RBM6: variants seen among roughly 807,000 people sequenced by gnomAD.
The protein encoded by RBM6 is RNA-binding protein 6.
A neutral mutation model predicts 140.4 loss-of-function variants in RBM6; 23 were observed. That is an observed-to-expected ratio of 0.16 (90% CI 0.12 to 0.23). The LOEUF (loss-of-function observed/expected upper bound fraction) is 0.23. Ranked by LOEUF, RBM6 falls within the 10% of genes least tolerant of loss-of-function variation. The probability of loss-of-function intolerance (pLI) is 1.00; values close to 1 mark genes in which losing one functional copy is unlikely to be tolerated. For synonymous variants in RBM6, 439 were observed against 475.6 expected, an observed-to-expected ratio of 0.92 and a Z score of 1.00; for missense variants, 1,139 against 1,386.7, an observed-to-expected ratio of 0.82 and a Z score of 2.84.
At chr3:50,029,891 A>T (rs897887594) in intron 6 of RBM6, among the ~76,000 whole-genome samples, 1 of 151,002 alleles carries the variant, frequency 6.6e-6, no homozygotes, top group East Asian at 1.9e-4. Flanking sequence ...TTAGCCAGGC[A>T]TGGTGGTGTG....
chr3:49,995,902 TAAAG>T (rs765704120), intron 5 of RBM6, among the ~76,000 whole-genome samples: 15 of 152,006 alleles, frequency 9.9e-5, no homozygotes, highest in Non-Finnish European at 2.1e-4. Flanking sequence ...ATTTGGGAAA[TAAAG>T]AAAAAAATCC....
chr3:50,065,438 A>T (rs1214615556), intron 16 of RBM6: 4 of 439,780 alleles, frequency 9.1e-6, no homozygotes, highest in Non-Finnish European at 1.7e-5. Flanking sequence ...CACCAAGGAA[A>T]CCCGTTTTCT....
At chr3:49,988,205 C>T (rs1205514741) in intron 5 of RBM6, among the ~76,000 whole-genome samples, 5 of 152,020 alleles carry the variant, frequency 3.3e-5, no homozygotes, top group Admixed American at 6.6e-5. Context: ...AGTGTAGTGG[C>T]GCAGTCTCTT....
At chr3:49,981,133 C>T (rs1272003678) in intron 5 of RBM6, among the ~76,000 whole-genome samples, 1 of 152,014 alleles carries the variant, frequency 6.6e-6, no homozygotes, top group Non-Finnish European at 1.5e-5. Flanking sequence ...TCAAACTGAC[C>T]TCATGATTCG....
chr3:49,941,710 G>A (rs539177991), intron 1 of RBM6, among the ~76,000 whole-genome samples: 11 of 147,878 alleles, frequency 7.4e-5, no homozygotes, highest in Admixed American at 2.0e-4. Context: ...TAGAGGCAGC[G>A]TTTCGCCTTA....
At chr3:50,069,914 G>A (rs1181601457) in intron 18 of RBM6, among the ~76,000 whole-genome samples, 1 of 152,114 alleles carries the variant, frequency 6.6e-6, no homozygotes. Context: ...ACTTTCCCCT[G>A]CTTCTCAGAA....
intron 6 of RBM6, among the ~76,000 whole-genome samples, chr3:50,046,794 A>T (rs1230873430): frequency 6.6e-6 from 1 of 152,172 alleles, no homozygotes; most frequent in Non-Finnish European, 1.5e-5. Context: ...AAAAGGAAAA[A>T]GAAAAATGAA....
chr3:49,993,216 G>C (rs564412774), intron 5 of RBM6, among the ~76,000 whole-genome samples: 11 of 152,196 alleles, frequency 7.2e-5, no homozygotes, highest in Non-Finnish European at 1.3e-4. Context: ...TGTTATCCTG[G>C]GCCTGAGGAA....
At chr3:50,064,782 C>T (rs1287289020) in intron 15 of RBM6, among the ~76,000 whole-genome samples, 1 of 152,184 alleles carries the variant, frequency 6.6e-6, no homozygotes, top group Admixed American at 6.5e-5. Flanking sequence ...GGTTCATTCT[C>T]CTGCCTCAGC....
At chr3:50,039,482 A>ACCCCCCCCCC (rs10546220) in intron 6 of RBM6, among the ~76,000 whole-genome samples, 35 of 122,138 alleles carry the variant, frequency 2.9e-4, no homozygotes, top group Non-Finnish European at 4.8e-4. Context: ...CAGGTGATCC[A>ACCCCCCCCCC]CCCCCCCCCC....
In RBM6 at chr3:50,006,144, CTT is replaced by C. The variant is rs1169238410; in HGVS notation, c.1557+6648_1557+6649del. Among the ~76,000 whole-genome samples, 230 of 112,774 alleles carry C rather than the reference CTT, an allele frequency of 2.0e-3. 11 individuals are homozygous for C. In the Admixed American group the frequency reaches 0.021, roughly 11 times the overall value. 74.0% of individuals were successfully genotyped at this position (112,774 alleles called of 152,430 possible). On this transcript the variant is annotated intron_variant, in intron 6 of 20. Coordinates refer to ENST00000266022, the MANE Select transcript of RBM6 (RefSeq NM_005777.3). ...GGTGCGATTTATCCACTGATTGAGA[CTT>C]TTTTTTTTTTTTTTTTCAGATGGAG...
intron 6 of RBM6, among the ~76,000 whole-genome samples, chr3:50,046,738 CT>C (rs2089246426): frequency 6.6e-6 from 1 of 152,100 alleles, no homozygotes; most frequent in East Asian, 1.9e-4. Flanking sequence ...GTCCCTAATA[CT>C]GAGCAGAAGC....
chr3:50,064,733 A>G lies in RBM6; in HGVS notation c.2587-298A>G, dbSNP rs191280312. On this transcript the variant is annotated intron_variant, in intron 15 of 20. Transcript: ENST00000266022. ...CACCATGTTGGCCAGGCTGGAGCAC[A>G]GTGGCACAATCTTGGCTCACTGCAA... 3.9e-5 allele frequency among the ~76,000 whole-genome samples: 6 copies of G among 152,232 alleles called. No homozygotes were observed. The East Asian group carries it at 7.7e-4, about 20-fold the overall frequency.
chr3:50,034,995 C>CT (rs147033921), intron 6 of RBM6, among the ~76,000 whole-genome samples: 27 of 126,834 alleles, frequency 2.1e-4, no homozygotes, highest in Admixed American at 8.8e-4. Flanking sequence ...CTCTCCTCTT[C>CT]CCTCTCCTCT....
chr3:50,052,929 G>C (rs1448477134), intron 7 of RBM6, among the ~76,000 whole-genome samples: 1 of 151,894 alleles, frequency 6.6e-6, no homozygotes, highest in African/African-American at 2.4e-5. Flanking sequence ...TGACAATGGA[G>C]AGAGGAAGTA....
chr3:49,980,954 G>A (rs1470976915), intron 5 of RBM6, among the ~76,000 whole-genome samples: 1 of 151,564 alleles, frequency 6.6e-6, no homozygotes, highest in Non-Finnish European at 1.5e-5. Flanking sequence ...CAGTGCTGGA[G>A]TGCAGTGGCG....
chr3:49,964,756 C>T (rs1056475284), intron 2 of RBM6, among the ~76,000 whole-genome samples: 8 of 152,200 alleles, frequency 5.3e-5, no homozygotes, highest in South Asian at 4.1e-4. Context: ...AAGGCTGTTT[C>T]GTATAGAATT....
chr3:49,956,642 T>TTTTTTA (rs1488776895), intron 1 of RBM6, among the ~76,000 whole-genome samples: 2 of 143,002 alleles, frequency 1.4e-5, no homozygotes, highest in South Asian at 2.2e-4. Context: ...CACGCTTTAT[T>TTTTTTA]TTTTTATTTT....
At chr3:49,998,603 A>G (rs1207720190) in intron 5 of RBM6, among the ~76,000 whole-genome samples, 2 of 152,084 alleles carry the variant, frequency 1.3e-5, no homozygotes, top group Non-Finnish European at 2.9e-5. Flanking sequence ...GAGTCATACA[A>G]CTCTCAGGCC....
Sources: gnomAD v4.1 joint callset for allele counts (sites outside exome capture counted in the v4.1 genomes callset) on GRCh38, gnomAD v4.1.1 for gene constraint, MANE v1.5 for transcripts, NCBI Gene and HGNC (gene_info 2026-07-23, HGNC 2026-07-21) for gene names.